Variants in HHAT observed in about 807,000 individuals in gnomAD.
The protein encoded by HHAT is hedgehog acyltransferase.
A neutral mutation model predicts 70.8 loss-of-function variants in HHAT; 47 were observed. The observed-to-expected ratio is 0.66, with a 90% CI of 0.53 to 0.85. The LOEUF is 0.85. Among genes scored for constraint, HHAT ranks in the 40% least tolerant of loss-of-function variants. The pLI is 0.00. For synonymous variants in HHAT, 228 were observed against 247.6 expected, an observed-to-expected ratio of 0.92 and a Z score of 0.74; for missense variants, 609 against 604.8, an observed-to-expected ratio of 1.01 and a Z score of -0.07.
intron 3 of HHAT, among the ~76,000 whole-genome samples, chr1:210,382,710 AT>A (rs1275246113): frequency 6.6e-6 from 1 of 152,212 alleles, no homozygotes; most frequent in Non-Finnish European, 1.5e-5. Flanking sequence ...TGGAGCTGAC[AT>A]TTGAATTGTA....
At chr1:210,341,695 G>A (rs1287439753) in intron 1 of HHAT, among the ~76,000 whole-genome samples, 1 of 152,206 alleles carries the variant, frequency 6.6e-6, no homozygotes, top group African/African-American at 2.4e-5. Context: ...AAATGCAAAT[G>A]CAAGTGGCTC....
chr1:210,526,495 G>T (rs966997592), intron 9 of HHAT, among the ~76,000 whole-genome samples: 1 of 151,922 alleles, frequency 6.6e-6, no homozygotes, highest in Non-Finnish European at 1.5e-5. Flanking sequence ...CCACAAACCA[G>T]AATTAAACAA....
At chr1:210,454,987 T>C (rs1382375214) in intron 7 of HHAT, among the ~76,000 whole-genome samples, 1 of 152,220 alleles carries the variant, frequency 6.6e-6, no homozygotes, top group East Asian at 1.9e-4. Context: ...TAGTTCATGG[T>C]TGCCCAGTGT....
chr1:210,632,777 A>G lies in HHAT; in HGVS notation c.1390+9107A>G, dbSNP rs918385789. Among the ~76,000 whole-genome samples, 19 of 152,208 alleles carry G rather than the reference A, an allele frequency of 1.2e-4. No individual in the cohort carries two copies. In the East Asian group the frequency reaches 2.7e-3, roughly 22 times the overall value. ...TAACTTCTTCTTACTTCCTATATCA[A>G]TAAGTTAAAAATGAGATTATTAGGG... On this transcript the variant is annotated intron_variant, in intron 11 of 11. Coordinates refer to ENST00000261458, the MANE Select transcript of HHAT (RefSeq NM_018194.6).
At chr1:210,653,948 A>G (rs1191503823) in intron 11 of HHAT, among the ~76,000 whole-genome samples, 1 of 13,744 alleles carries the variant, frequency 7.3e-5, no homozygotes, top group African/African-American at 4.2e-4. Context: ...ATAGTGTGAC[A>G]GTGGAATAGT....
intron 7 of HHAT, among the ~76,000 whole-genome samples, chr1:210,440,020 A>G (rs896559743): frequency 2.0e-5 from 3 of 151,844 alleles, no homozygotes; most frequent in Non-Finnish European, 2.9e-5. Context: ...CCCGCTGACT[A>G]GAAGAGATAA....
At chr1:210,418,069 G>C (rs2092777135) in intron 6 of HHAT, 85 bp from the exon 7 acceptor site, 3 of 1,279,918 alleles carry the variant, frequency 2.3e-6, no homozygotes, top group African/African-American at 1.5e-5. Flanking sequence ...AATAATATTT[G>C]TGGGAAGTTT....
At chr1:210,459,864 A>C (rs76193153) in intron 7 of HHAT, among the ~76,000 whole-genome samples, 2 of 152,132 alleles carry the variant, frequency 1.3e-5, no homozygotes, top group South Asian at 4.1e-4. Context: ...GGTTGACTGT[A>C]CTTGGCTGGG....
intron 5 of HHAT, among the ~76,000 whole-genome samples, chr1:210,403,999 G>T (rs989799633): frequency 6.7e-6 from 1 of 150,196 alleles, no homozygotes; most frequent in Non-Finnish European, 1.5e-5. Context: ...ACTAAATGTA[G>T]AGCCAAACTG....
intron 9 of HHAT, among the ~76,000 whole-genome samples, chr1:210,549,918 T>TA (rs1015875510): frequency 6.7e-6 from 1 of 148,806 alleles, no homozygotes; most frequent in Non-Finnish European, 1.5e-5. Flanking sequence ...TCTGCCTTTC[T>TA]AAAAAAACAG....
chr1:210,438,988 T>C (rs1164580106), intron 7 of HHAT, among the ~76,000 whole-genome samples: 1 of 151,910 alleles, frequency 6.6e-6, no homozygotes, highest in Non-Finnish European at 1.5e-5. Context: ...AACATCCCAG[T>C]GAATCAGAGC....
chr1:210,608,038 C>T (rs1279086417), intron 10 of HHAT, among the ~76,000 whole-genome samples: 1 of 152,176 alleles, frequency 6.6e-6, no homozygotes, highest in Non-Finnish European at 1.5e-5. Flanking sequence ...TCTGTGTAAT[C>T]AGGAATGATA....
intron 9 of HHAT, among the ~76,000 whole-genome samples, chr1:210,527,621 G>A (rs2095266643): frequency 6.6e-6 from 1 of 152,162 alleles, no homozygotes; most frequent in African/African-American, 2.4e-5. Flanking sequence ...GGAAATGAGT[G>A]ATTCTGCTTT....
intron 11 of HHAT, among the ~76,000 whole-genome samples, chr1:210,649,705 G>A (rs1341493111): frequency 6.6e-6 from 1 of 152,192 alleles, no homozygotes; most frequent in Non-Finnish European, 1.5e-5. Flanking sequence ...TCCCACTTAC[G>A]GGTAATGGGA....
At chr1:210,365,309 G>GTTT (rs4027290) in intron 3 of HHAT, among the ~76,000 whole-genome samples, 9,346 of 78,130 alleles carry the variant, frequency 0.12, 2,224 homozygotes, top group African/African-American at 0.25. Flanking sequence ...ACTGCTGACA[G>GTTT]TTTTTTTTTT....
chr1:210,614,377 A>G (rs1359752077), intron 10 of HHAT, among the ~76,000 whole-genome samples: 1 of 151,878 alleles, frequency 6.6e-6, no homozygotes, highest in Non-Finnish European at 1.5e-5. Flanking sequence ...TCTCATTTGG[A>G]TGCTCGTTCT....
chr1:210,381,827 G>A (rs73071958), intron 3 of HHAT, among the ~76,000 whole-genome samples: 2,861 of 152,232 alleles, frequency 0.019, 85 homozygotes, highest in African/African-American at 0.066. Flanking sequence ...AGAACTGGTG[G>A]ACTGAGCTAA....
chr1:210,540,479 A>G (rs2095417865), intron 9 of HHAT, among the ~76,000 whole-genome samples: 3 of 102,454 alleles, frequency 2.9e-5, no homozygotes, highest in Admixed American at 9.2e-5. Context: ...ACGCACACAC[A>G]TGCACACACA....
Position 210,498,497 on chromosome 1 carries a change from A to G in HHAT, c.1008-14656A>G, listed in dbSNP as rs144471050. 8.7e-3 allele frequency among the ~76,000 whole-genome samples: 1,328 copies of G among 152,292 alleles called. 22 individuals are homozygous for G. The highest frequency in any genetic ancestry group is 0.031 in the African/African-American group (1,272 of 41,568). On this transcript the variant is annotated intron_variant, in intron 8 of 11. Transcript: ENST00000261458. ...AGCAGGTTGAGAACCACTCAGCTAG[A>G]GAACACTGAATGCCCCTTTATGTTC...
Sources: gnomAD v4.1 joint callset for allele counts (sites outside exome capture counted in the v4.1 genomes callset) on GRCh38, gnomAD v4.1.1 for gene constraint, MANE v1.5 for transcripts, NCBI Gene and HGNC (gene_info 2026-07-23, HGNC 2026-07-21) for gene names.